Variants in CFAP221 observed in about 807,000 individuals in gnomAD.
CFAP221 encodes the protein cilia and flagella associated protein 221.
In CFAP221, 97 loss-of-function variants were observed where a neutral mutation model predicts 113.1. That is an observed-to-expected ratio of 0.86 (90% confidence interval 0.73 to 1.02). The LOEUF (loss-of-function observed/expected upper bound fraction) is 1.02. CFAP221 is among the 50% of genes least tolerant of loss of function. The pLI is 0.00. For synonymous variants in CFAP221, 331 were observed against 354.4 expected (o/e 0.93, Z 0.74); for missense variants, 1,025 against 1,013.4 (o/e 1.01, Z -0.16).
chr2:119,572,258 A>G (rs548559003), intron 6 of CFAP221, among the ~76,000 whole-genome samples: 2 of 152,332 alleles, frequency 1.3e-5, no homozygotes, highest in Admixed American at 1.3e-4. Context: ...TTTCTGTCCA[A>G]CATTTCCAAG....
chr2:119,633,265 A>G (rs1401404158), intron 19 of CFAP221, among the ~76,000 whole-genome samples: 1 of 152,050 alleles, frequency 6.6e-6, no homozygotes, highest in African/African-American at 2.4e-5. Context: ...TAAAACTACT[A>G]GAAAACACAT....
intron 21 of CFAP221, among the ~76,000 whole-genome samples, chr2:119,642,991 A>C (rs182004673): frequency 1.2e-3 from 175 of 151,888 alleles, no homozygotes; most frequent in Middle Eastern, 3.4e-3. Flanking sequence ...GGGTCTTGCT[A>C]TGTTGCCCGG....
chr2:119,594,295 G>T (rs557507459), intron 7 of CFAP221, among the ~76,000 whole-genome samples: 1 of 152,052 alleles, frequency 6.6e-6, no homozygotes, highest in Non-Finnish European at 1.5e-5. Context: ...GAGTGCAGTG[G>T]CATGATCTTG....
rs901379956 is a variant in CFAP221 at position 119,561,990 on chromosome 2, T to C, written c.427-24T>C. 2.2e-5 allele frequency: 32 copies of C among 1,474,774 alleles called. No homozygotes were observed. In the African/African-American group the frequency reaches 3.8e-4, roughly 17 times the overall value. 91.4% of individuals were successfully genotyped at this position (1,474,774 alleles called of 1,614,324 possible). A position where few individuals can be genotyped will look rare whatever the true frequency, so the allele number is the denominator to read the frequency against. ...AGTTGTAGTCTTCAGAATGTTAAACTTGACTTTTTCTGGTTAATTTTAGGG... is the reference window on the plus strand; with the variant it reads ...AGTTGTAGTCTTCAGAATGTTAAACCTGACTTTTTCTGGTTAATTTTAGGG... On this transcript the variant is annotated intron_variant, in intron 5 of 23. Transcript: ENST00000413369.
At position 119,625,707 on chromosome 2, in the gene CFAP221, G is replaced by A. The variant is rs765244951; in HGVS notation, c.1516+19G>A. ...GCACAAGGTGAAGTATGGCTGCAAA[G>A]CACAGAGATGCCGAGACTGATCATG... On this transcript the variant is annotated intron_variant, in intron 15 of 23. Coordinates refer to ENST00000413369, the MANE Select transcript of CFAP221 (RefSeq NM_001271049.2). The A allele has an allele frequency of 6.4e-7, 1 of 1,564,736 alleles. No individual in the cohort carries two copies. Among genetic ancestry groups the A allele is most frequent in the African/African-American group, 1.4e-5 (1 of 73,910 alleles).
intron 14 of CFAP221, among the ~76,000 whole-genome samples, chr2:119,622,922 G>A (rs35962949): frequency 6.6e-6 from 1 of 152,118 alleles, no homozygotes; most frequent in African/African-American, 2.4e-5. Context: ...ATACTGAATG[G>A]GCAAAAGCTG....
intron 3 of CFAP221, among the ~76,000 whole-genome samples, chr2:119,551,474 C>A (rs766698686): frequency 1.3e-5 from 2 of 152,178 alleles, no homozygotes; most frequent in African/African-American, 2.4e-5. Flanking sequence ...GGTTCAACTT[C>A]AATCTTTTGC....
intron 8 of CFAP221, among the ~76,000 whole-genome samples, chr2:119,603,612 A>G (rs1684511880): frequency 6.6e-6 from 1 of 152,172 alleles, no homozygotes; most frequent in Non-Finnish European, 1.5e-5. Context: ...TTATTTTTGT[A>G]CTGTCATGGA....
intron 8 of CFAP221, among the ~76,000 whole-genome samples, chr2:119,604,167 T>G (rs1052005880): frequency 2.0e-5 from 3 of 152,178 alleles, no homozygotes; most frequent in Non-Finnish European, 4.4e-5. Flanking sequence ...TCTTTAAGAA[T>G]GTAAAGCAAT....
Position 119,651,999 on chromosome 2 carries a change from GT to G in CFAP221, c.2346del (p.Met783CysfsTer2). On this transcript the variant is annotated frameshift_variant, in exon 23 of 24. Transcript: ENST00000413369. LOFTEE classifies it high-confidence loss of function. ...TGAGCTCTGTGAGCAGAATGTAGAA[GT>G]TATGTTGACTCCAGAAATGATCAAA... ...ERELCEQNVE[V>X]MLTPEMIKVE... is the part of the protein sequence containing the mutation. 1 of 1,613,192 alleles carries G rather than the reference GT, an allele frequency of 6.2e-7. No homozygotes were observed. Among genetic ancestry groups the G allele is most frequent in the Non-Finnish European group, 8.5e-7 (1 of 1,179,572 alleles).
At chr2:119,558,978 G>A (rs1035456171) in intron 3 of CFAP221, among the ~76,000 whole-genome samples, 14 of 152,208 alleles carry the variant, frequency 9.2e-5, no homozygotes, top group African/African-American at 2.2e-4. Context: ...CAGACCCAGC[G>A]TCTGGCCTAG....
At chr2:119,649,872 C>T (rs543933306) in intron 22 of CFAP221, among the ~76,000 whole-genome samples, 4 of 152,174 alleles carry the variant, frequency 2.6e-5, no homozygotes, top group Non-Finnish European at 5.9e-5. Flanking sequence ...AGGACCTGGC[C>T]TCCTGTAGCA....
intron 1 of CFAP221, among the ~76,000 whole-genome samples, chr2:119,544,885 C>T (rs967437998): frequency 6.6e-6 from 1 of 152,086 alleles, no homozygotes; most frequent in Non-Finnish European, 1.5e-5. Context: ...GACCGCCTGG[C>T]TCCTGGGCCT....
intron 14 of CFAP221, among the ~76,000 whole-genome samples, chr2:119,624,963 T>C (rs954016708): frequency 6.6e-6 from 1 of 152,004 alleles, no homozygotes; most frequent in Middle Eastern, 3.4e-3. Context: ...GGCACGTTTA[T>C]ACTTATGTAA....
chr2:119,545,052 G>A (rs1339084353), intron 1 of CFAP221: 1 of 145,752 alleles, frequency 6.9e-6, no homozygotes, highest in African/African-American at 2.5e-5. Context: ...GAGGGGAGAA[G>A]AGGGGAGGGG....
At chr2:119,656,309 C>A in intron 23 of CFAP221, 53 bp from the exon 24 acceptor site, 1 of 1,444,204 alleles carries the variant, frequency 6.9e-7, no homozygotes, top group Non-Finnish European at 9.7e-7. Context: ...GGGTGATTTG[C>A]GTGGTTTTAT....
At chr2:119,559,225 G>C (rs1028735380) in intron 3 of CFAP221, among the ~76,000 whole-genome samples, 1 of 152,204 alleles carries the variant, frequency 6.6e-6, no homozygotes, top group Non-Finnish European at 1.5e-5. Flanking sequence ...ATTGGAGGCT[G>C]TCTTAGTCAC....
chr2:119,564,011 T>C (rs116260291), intron 6 of CFAP221, among the ~76,000 whole-genome samples: 364 of 152,254 alleles, frequency 2.4e-3, no homozygotes, highest in African/African-American at 8.5e-3. Flanking sequence ...CCTCTAGATA[T>C]AGGGCCAGCA....
In CFAP221 at chr2:119,546,258, C is replaced by T; in HGVS notation, c.127C>T (p.Leu43Phe). ...AAAAAGAAAAGAAGTACCTAATCAC[C>T]TCCTAGAATCAAGTAAGTGGCTAGA... is the stretch of plus-strand genomic sequence containing the variant. ...PKKRKEVPNH[L>F]LESKVYAKLV... is the part of the protein sequence containing the mutation. The change falls in exon 2 of 24, where the codon CTC becomes TTC. Residue 43 changes from leucine to phenylalanine, a missense_variant. By Grantham distance (22) the Leu-to-Phe change is conservative. Coordinates refer to ENST00000413369, the MANE Select transcript of CFAP221 (RefSeq NM_001271049.2). 3 of 1,533,426 alleles carry T rather than the reference C, an allele frequency of 2.0e-6. No homozygotes were observed. The highest frequency in any genetic ancestry group is 2.6e-6 in the Non-Finnish European group (3 of 1,146,122). 95.0% of individuals were successfully genotyped at this position (1,533,426 alleles called of 1,614,324 possible).
Sources: gnomAD v4.1 joint callset for allele counts (sites outside exome capture counted in the v4.1 genomes callset) on GRCh38, gnomAD v4.1.1 for gene constraint, MANE v1.5 for transcripts, NCBI Gene and HGNC (gene_info 2026-07-23, HGNC 2026-07-21) for gene names.